Variants in ZNF8 observed in about 807,000 individuals in gnomAD.
ZNF8 encodes the protein zinc finger protein 8.
A neutral mutation model predicts 12.2 loss-of-function variants in ZNF8; 9 were observed. That is an observed-to-expected ratio of 0.73 (90% confidence interval 0.44 to 1.28). The LOEUF (loss-of-function observed/expected upper bound fraction) is 1.28, where lower values mean the gene tolerates loss of function less well. Ranked by LOEUF, ZNF8 falls within the 50% of genes most tolerant of loss-of-function variation. The pLI, the probability that ZNF8 is intolerant of heterozygous loss-of-function variation, is 0.00. For missense variants in ZNF8, 664 were observed against 729.1 expected (o/e 0.91, Z 1.03); for synonymous variants, 274 against 282.3 (o/e 0.97, Z 0.30).
chr19:58,288,420 G>T (rs1339587473), intron 3 of ZNF8, among the ~76,000 whole-genome samples: 2 of 152,110 alleles, frequency 1.3e-5, no homozygotes, highest in African/African-American at 2.4e-5. Flanking sequence ...TCACAGTTGT[G>T]CTCCATGCAG....
chr19:58,295,654 A>G lies in ZNF8; in HGVS notation c.*118A>G. ...TGTCATGGGTGACTTCTGACTTTCTAAGGAAATGATGCTTCCCAAGCACCC... is the reference window on the plus strand; with the variant it reads ...TGTCATGGGTGACTTCTGACTTTCTGAGGAAATGATGCTTCCCAAGCACCC... On this transcript the variant is annotated 3_prime_UTR_variant, in exon 4 of 4. Transcript: ENST00000621650. 2.1e-6 allele frequency: 2 copies of G among 935,158 alleles called. No homozygotes were observed. Among genetic ancestry groups the G allele is most frequent in the Non-Finnish European group, 3.2e-6 (2 of 626,228 alleles). The allele number at this position is 935,158 out of a possible 1,614,324, so 57.9% of individuals were successfully genotyped here.
intron 1 of ZNF8, chr19:58,279,801 G>T: frequency 6.9e-7 from 1 of 1,446,926 alleles, no homozygotes; most frequent in African/African-American, 1.4e-5. Flanking sequence ...TGCGGCCTGT[G>T]TTCTCCATAA....
chr19:58,285,865 G>T, intron 2 of ZNF8, 22 bp downstream of exon 2: 2 of 1,590,400 alleles, frequency 1.3e-6, no homozygotes, highest in Non-Finnish European at 1.7e-6. Flanking sequence ...TTCGCAAGGT[G>T]TGATAGCTGA....
chr19:58,294,949 AC>A lies in ZNF8; in HGVS notation c.1143del (p.Thr382LeufsTer7). 1 of 1,614,150 alleles carries A rather than the reference AC, an allele frequency of 6.2e-7. No individual in the cohort carries two copies. The highest frequency in any genetic ancestry group is 8.5e-7 in the Non-Finnish European group (1 of 1,180,014). Reference protein sequence around the residue: ...CSVCGKSFSRTTCLFLHLRTH... With the variant: ...CSVCGKSFSRXTCLFLHLRTH... ...TGTGTGTGGGAAATCCTTCTCTCGG[AC>A]CACTTGCCTTTTCCTGCACCTGAGA... On this transcript the variant is annotated frameshift_variant, in exon 4 of 4. Coordinates refer to ENST00000621650, the MANE Select transcript of ZNF8 (RefSeq NM_021089.3). LOFTEE classifies it low-confidence loss of function (END_TRUNC). This position sits in a 1 kb window ranked among gnomAD's most constrained non-coding sequence, Gnocchi z 5.5.
At chr19:58,289,795 C>A (rs1182249253) in intron 3 of ZNF8, among the ~76,000 whole-genome samples, 5 of 151,518 alleles carry the variant, frequency 3.3e-5, no homozygotes, top group African/African-American at 1.2e-4. Context: ...TCTCCCATTT[C>A]AAGATTCTTT....
At chr19:58,286,080 C>G in intron 2 of ZNF8, 30 bp from the exon 3 acceptor site, 1 of 1,607,270 alleles carries the variant, frequency 6.2e-7, no homozygotes, top group South Asian at 1.1e-5. Flanking sequence ...TGAGCAGCCC[C>G]TCACCTCCTG....
chr19:58,292,087 TAG>T (rs2051422937), intron 3 of ZNF8, among the ~76,000 whole-genome samples: 1 of 152,140 alleles, frequency 6.6e-6, no homozygotes, highest in Non-Finnish European at 1.5e-5. Flanking sequence ...TTTTGCATAA[TAG>T]CTTTATCAAG....
intron 1 of ZNF8, among the ~76,000 whole-genome samples, chr19:58,282,761 G>A (rs570173899): frequency 2.0e-5 from 3 of 151,944 alleles, no homozygotes; most frequent in Admixed American, 2.0e-4. Context: ...CCAAGTAGCT[G>A]GGACTACAGG....
chr19:58,279,318 A>G, intron 1 of ZNF8, 171 bp downstream of exon 1: 1 of 1,491,334 alleles, frequency 6.7e-7, no homozygotes, highest in South Asian at 1.3e-5. Context: ...CTGGTCAGAG[A>G]GGGGGCCGGG....
At chr19:58,288,844 C>G (rs2051400360) in intron 3 of ZNF8, among the ~76,000 whole-genome samples, 1 of 152,158 alleles carries the variant, frequency 6.6e-6, no homozygotes, top group African/African-American at 2.4e-5. Context: ...ACCCTGTTTT[C>G]CTGCCCCTTT....
intron 3 of ZNF8, 134 bp downstream of exon 3, chr19:58,286,339 A>C: frequency 2.9e-6 from 2 of 681,000 alleles, no homozygotes; most frequent in Non-Finnish European, 5.0e-6. Flanking sequence ...GACTCAGCAT[A>C]GAGTCATGCT....
chr19:58,284,557 T>C (rs1408482730), intron 1 of ZNF8, among the ~76,000 whole-genome samples: 1 of 152,192 alleles, frequency 6.6e-6, no homozygotes, highest in East Asian at 1.9e-4. Context: ...ATCAGAATTT[T>C]TCACGTAAAG....
intron 2 of ZNF8, 31 bp from the exon 3 acceptor site, chr19:58,286,079 C>T (rs1181306472): frequency 3.7e-6 from 6 of 1,604,900 alleles, no homozygotes; most frequent in South Asian, 1.1e-5. Context: ...CTGAGCAGCC[C>T]CTCACCTCCT....
At chr19:58,279,741 G>GTT (rs1389069545) in intron 1 of ZNF8, 17 of 1,512,548 alleles carry the variant, frequency 1.1e-5, no homozygotes, top group Non-Finnish European at 1.4e-5. Context: ...GGCGGTCAGT[G>GTT]TTTGCAGGGC....
rs924986284 is a variant in ZNF8 at position 58,295,726 on chromosome 19, G to A, written c.*190G>A. ...TATCAAACTCAGTGCCCTCTTTAGC[G>A]ACATATTTTGTGACATTCCTTCCAT... On this transcript the variant is annotated 3_prime_UTR_variant, in exon 4 of 4. Coordinates refer to ENST00000621650, the MANE Select transcript of ZNF8 (RefSeq NM_021089.3). 53 of 564,288 alleles carry A rather than the reference G, an allele frequency of 9.4e-5. No homozygotes were observed. In the Admixed American group the frequency reaches 1.1e-3, roughly 12 times the overall value. 35.0% of individuals were successfully genotyped at this position (564,288 alleles called of 1,614,324 possible).
At chr19:58,283,832 C>T (rs916873637) in intron 1 of ZNF8, among the ~76,000 whole-genome samples, 1 of 151,802 alleles carries the variant, frequency 6.6e-6, no homozygotes, top group Non-Finnish European at 1.5e-5. Context: ...ATCTCCTGAC[C>T]TCGTGATCTG....
chr19:58,287,614 C>G (rs1045574463), intron 3 of ZNF8, among the ~76,000 whole-genome samples: 1 of 145,156 alleles, frequency 6.9e-6, no homozygotes, highest in African/African-American at 2.5e-5. Flanking sequence ...GCTGGGATTA[C>G]AGGTATCAGC....
chr19:58,287,638 C>CTTTTT (rs35340103), intron 3 of ZNF8, among the ~76,000 whole-genome samples: 29 of 64,862 alleles, frequency 4.5e-4, no homozygotes, highest in African/African-American at 8.5e-4. Flanking sequence ...TGCACCTGGC[C>CTTTTT]TTTTTTTTTT....
chr19:58,292,943 A>G (rs899014487), intron 3 of ZNF8, among the ~76,000 whole-genome samples: 3 of 150,810 alleles, frequency 2.0e-5, no homozygotes, highest in African/African-American at 7.4e-5. Flanking sequence ...TGCTATGTAG[A>G]GAGTCAGTTT....
Sources: allele counts gnomAD v4.1 joint callset (sites outside exome capture counted in the v4.1 genomes callset), GRCh38; gene constraint gnomAD v4.1.1; non-coding constraint Gnocchi (gnomAD v3.1); transcripts MANE v1.5; gene names NCBI Gene and HGNC (gene_info 2026-07-23, HGNC 2026-07-21).